The following PDGFC variants were observed in gnomAD, a reference collection of about 807,000 sequenced individuals.
PDGFC encodes the protein platelet derived growth factor C, also known as platelet-derived growth factor C.
A neutral mutation model predicts 35.5 loss-of-function variants in PDGFC; 12 were observed. The ratio of observed to expected loss-of-function variants is 0.34; its 90% CI spans 0.22 to 0.55. PDGFC has a LOEUF of 0.55. PDGFC is among the 20% of genes least tolerant of loss of function. The pLI, the probability that PDGFC is intolerant of heterozygous loss-of-function variation, is 0.91. For synonymous variants in PDGFC, 159 were observed against 148.8 expected (o/e 1.07, Z -0.50); for missense variants, 322 against 412.4 (o/e 0.78, Z 1.90).
intron 2 of PDGFC, among the ~76,000 whole-genome samples, chr4:156,817,237 AAATT>A (rs1183367962): frequency 2.6e-5 from 4 of 152,202 alleles, no homozygotes; most frequent in African/African-American, 9.6e-5. Flanking sequence ...TATCAGGTGA[AAATT>A]AATAAAGACA....
At chr4:156,947,605 GT>G (rs1731977296) in intron 1 of PDGFC, among the ~76,000 whole-genome samples, 1 of 151,736 alleles carries the variant, frequency 6.6e-6, no homozygotes, top group African/African-American at 2.4e-5. Context: ...ATGAGAGGTG[GT>G]ATCACAAAAC....
At chr4:156,931,615 G>A (rs1731552047) in intron 1 of PDGFC, among the ~76,000 whole-genome samples, 1 of 152,026 alleles carries the variant, frequency 6.6e-6, no homozygotes, top group Non-Finnish European at 1.5e-5. Flanking sequence ...ACAAATGCAA[G>A]GCTGTTAATA....
chr4:156,842,331 G>A (rs1183136806), intron 2 of PDGFC: 2 of 151,624 alleles, frequency 1.3e-5, no homozygotes, highest in Non-Finnish European at 2.9e-5. Flanking sequence ...GAAAAAAGTA[G>A]TGGTAATAGA....
At chr4:156,785,063 A>G in intron 3 of PDGFC, among the ~76,000 whole-genome samples, 1 of 152,258 alleles carries the variant, frequency 6.6e-6, no homozygotes, top group East Asian at 1.9e-4. Context: ...AGTGTACATG[A>G]GAACAATGTA....
chr4:156,907,422 T>G (rs1730940195), intron 1 of PDGFC, among the ~76,000 whole-genome samples: 1 of 152,170 alleles, frequency 6.6e-6, no homozygotes, highest in Non-Finnish European at 1.5e-5. Context: ...TTTAGCAATC[T>G]ACACCTGGAG....
chr4:156,913,120 C>A (rs1188747556), intron 1 of PDGFC, among the ~76,000 whole-genome samples: 1 of 152,022 alleles, frequency 6.6e-6, no homozygotes, highest in African/African-American at 2.4e-5. Flanking sequence ...TGAATGACAT[C>A]CTGAAAGATA....
At chr4:156,890,308 C>T (rs1262971471) in intron 1 of PDGFC, among the ~76,000 whole-genome samples, 1 of 152,070 alleles carries the variant, frequency 6.6e-6, no homozygotes, top group African/African-American at 2.4e-5. Context: ...CAGCATGTTC[C>T]TTCTTTAGCT....
chr4:156,875,464 A>G (rs945621457), intron 1 of PDGFC, among the ~76,000 whole-genome samples: 1 of 152,234 alleles, frequency 6.6e-6, no homozygotes, highest in Admixed American at 6.5e-5. Flanking sequence ...AAGAAAGTCC[A>G]CACATCTTAT....
At chr4:156,800,290 A>G (rs1032735299) in intron 3 of PDGFC, among the ~76,000 whole-genome samples, 9 of 152,206 alleles carry the variant, frequency 5.9e-5, no homozygotes, top group Admixed American at 5.2e-4. Context: ...AGCTTAAAAT[A>G]TATGAGCCTT....
At position 156,905,328 on chromosome 4, in the gene PDGFC, T is replaced by C. The variant is rs147733707; in HGVS notation, c.119-54912A>G. On this transcript the variant is annotated intron_variant, in intron 1 of 5. Coordinates refer to ENST00000502773, the MANE Select transcript of PDGFC (RefSeq NM_016205.3). The stretch of plus-strand genomic sequence containing the variant: ...CACTGTTTTTGATGTTTTATATTCA[T>C]GACTTTACTCAATTCTCAAAAAAAG... 7.9e-3 allele frequency among the ~76,000 whole-genome samples: 1,199 copies of C among 152,274 alleles called. 4 individuals are homozygous for C. The highest frequency in any genetic ancestry group is 0.027 in the Middle Eastern group (8 of 294).
chr4:156,785,711 T>G (rs1731105390), intron 3 of PDGFC, among the ~76,000 whole-genome samples: 1 of 152,166 alleles, frequency 6.6e-6, no homozygotes, highest in South Asian at 2.1e-4. Flanking sequence ...GGTAAAATTC[T>G]ATCAACTAGG....
intron 1 of PDGFC, among the ~76,000 whole-genome samples, chr4:156,862,143 A>G (rs1560845774): frequency 6.6e-6 from 1 of 152,174 alleles, no homozygotes; most frequent in Non-Finnish European, 1.5e-5. Flanking sequence ...AAATCCTCCA[A>G]TAGCTTTCCA....
intron 1 of PDGFC, among the ~76,000 whole-genome samples, chr4:156,859,302 T>C (rs1284627183): frequency 1.3e-5 from 2 of 152,112 alleles, no homozygotes; most frequent in Non-Finnish European, 2.9e-5. Flanking sequence ...ATGTATATAA[T>C]GTATACATGA....
chr4:156,792,582 A>G (rs1321845586), intron 3 of PDGFC, among the ~76,000 whole-genome samples: 1 of 152,240 alleles, frequency 6.6e-6, no homozygotes, highest in East Asian at 1.9e-4. Flanking sequence ...CCAAAAATAC[A>G]CTATCTTCAG....
chr4:156,929,222 G>A (rs947809546), intron 1 of PDGFC, among the ~76,000 whole-genome samples: 1 of 152,114 alleles, frequency 6.6e-6, no homozygotes, highest in African/African-American at 2.4e-5. Context: ...TCAACTTTTT[G>A]GGAAATGACT....
chr4:156,928,881 T>C (rs1018450832), intron 1 of PDGFC, among the ~76,000 whole-genome samples: 4 of 152,224 alleles, frequency 2.6e-5, no homozygotes, highest in African/African-American at 7.2e-5. Context: ...TGTTTATCTC[T>C]ATGATGTTGG....
chr4:156,934,671 T>C (rs1579110074), intron 1 of PDGFC, among the ~76,000 whole-genome samples: 1 of 152,356 alleles, frequency 6.6e-6, no homozygotes, highest in East Asian at 1.9e-4. Flanking sequence ...AAAATACACA[T>C]TGCACAACTA....
At chr4:156,843,064 C>T (rs747554750) in intron 2 of PDGFC, among the ~76,000 whole-genome samples, 9 of 152,068 alleles carry the variant, frequency 5.9e-5, no homozygotes, top group African/African-American at 1.7e-4. Context: ...TGGTATGGTT[C>T]GAATGTTTGT....
At chr4:156,815,103 T>A (rs576791736) in intron 2 of PDGFC, among the ~76,000 whole-genome samples, 13 of 152,150 alleles carry the variant, frequency 8.5e-5, no homozygotes, top group African/African-American at 3.1e-4. Context: ...GAAACAAACA[T>A]CTAATAAGGT....
Sources: allele counts gnomAD v4.1 joint callset (sites outside exome capture counted in the v4.1 genomes callset), GRCh38; gene constraint gnomAD v4.1.1; transcripts MANE v1.5; gene names NCBI Gene and HGNC (gene_info 2026-07-23, HGNC 2026-07-21).